Variants in NYAP2 observed in about 807,000 individuals in gnomAD.
The protein encoded by NYAP2 is neuronal tyrosine-phosphorylated phosphoinositide-3-kinase adaptor 2, also known as neuronal tyrosine-phosphorylated phosphoinositide-3-kinase adapter 2.
In NYAP2, 23 loss-of-function variants were observed where a neutral mutation model predicts 50.4. That is an observed-to-expected ratio of 0.46 (90% CI 0.33 to 0.65). NYAP2 has a LOEUF of 0.65. NYAP2 is among the 30% of genes least tolerant of loss of function. The probability of loss-of-function intolerance (pLI) is 0.02; values close to 1 mark genes in which losing one functional copy is unlikely to be tolerated. For synonymous variants in NYAP2, 394 were observed against 365.2 expected, an observed-to-expected ratio of 1.08 and a Z score of -0.90; for missense variants, 885 against 861.0, an observed-to-expected ratio of 1.03 and a Z score of -0.35.
intron 6 of NYAP2, among the ~76,000 whole-genome samples, chr2:225,635,825 C>A (rs1693404663): frequency 6.6e-6 from 1 of 152,192 alleles, no homozygotes; most frequent in Non-Finnish European, 1.5e-5. Context: ...TAATCCTAAT[C>A]TCTCACAATG....
chr2:225,695,819 A>G, the NYAP2 span, among the ~76,000 whole-genome samples: 83 of 152,056 alleles, frequency 5.5e-4, no homozygotes, highest in Middle Eastern at 3.4e-3. Context: ...CAAACACCTA[A>G]AATTTTATTT....
At chr2:225,461,464 C>G (rs1689830495) in intron 3 of NYAP2, among the ~76,000 whole-genome samples, 2 of 152,220 alleles carry the variant, frequency 1.3e-5, no homozygotes, top group Admixed American at 1.3e-4. Context: ...AAGTCTGTTC[C>G]TGGAATATGC....
At chr2:225,580,920 T>G (rs1692260188) in intron 4 of NYAP2, among the ~76,000 whole-genome samples, 2 of 152,206 alleles carry the variant, frequency 1.3e-5, no homozygotes, top group Admixed American at 1.3e-4. Flanking sequence ...TCTGCTACAT[T>G]GCATAATAAA....
intron 4 of NYAP2, among the ~76,000 whole-genome samples, chr2:225,551,487 A>G (rs1218355818): frequency 6.6e-6 from 1 of 152,240 alleles, no homozygotes; most frequent in Non-Finnish European, 1.5e-5. Flanking sequence ...ATGGAGCAGA[A>G]CTTCCCAGAT....
Position 225,582,061 on chromosome 2 carries a change from A to C in NYAP2, c.644A>C (p.His215Pro). 1 of 1,614,034 alleles carries C rather than the reference A, an allele frequency of 6.2e-7. No homozygotes were observed. ...TTCGATGAAACGTACATCAAAAAGC[A>C]TGGGCCCCGGAGGACGTCGCTGCCG... The change falls in exon 5 of 7, where the codon CAT becomes CCT. Residue 215 changes from histidine to proline, a missense_variant. Physicochemically the swap from His to Pro is moderately conservative, Grantham distance 77. Transcript: ENST00000636099. The surrounding 1 kb of genome is among the most constrained non-coding windows in gnomAD (Gnocchi z 7.0).
intron 3 of NYAP2, among the ~76,000 whole-genome samples, chr2:225,440,710 A>G (rs1469503044): frequency 6.6e-6 from 1 of 152,238 alleles, no homozygotes; most frequent in African/African-American, 2.4e-5. Context: ...GAGCAAAAAA[A>G]TAGGCTATTG....
intron 4 of NYAP2, among the ~76,000 whole-genome samples, chr2:225,543,803 G>T (rs778168910): frequency 6.6e-6 from 1 of 151,908 alleles, no homozygotes. Flanking sequence ...GATTAAGTCC[G>T]ATGTTTGTTG....
intron 3 of NYAP2, among the ~76,000 whole-genome samples, chr2:225,492,463 G>C (rs1426969650): frequency 6.6e-6 from 1 of 152,134 alleles, no homozygotes; most frequent in African/African-American, 2.4e-5. Context: ...ACAGGGGCAT[G>C]GTAATAAACT....
At chr2:225,539,490 C>T (rs1192498602) in intron 4 of NYAP2, among the ~76,000 whole-genome samples, 1 of 152,232 alleles carries the variant, frequency 6.6e-6, no homozygotes, top group African/African-American at 2.4e-5. Context: ...TGTTTCTCCA[C>T]ATCCTCTCCA....
intron 3 of NYAP2, among the ~76,000 whole-genome samples, chr2:225,432,800 T>C (rs1252923634): frequency 6.6e-6 from 1 of 152,208 alleles, no homozygotes; most frequent in South Asian, 2.1e-4. Context: ...GACTCCTTCA[T>C]ATTTTTCTCA....
the NYAP2 span, among the ~76,000 whole-genome samples, chr2:225,660,826 TC>T: frequency 6.6e-6 from 1 of 152,196 alleles, no homozygotes; most frequent in African/African-American, 2.4e-5. Context: ...GTTACTTTAA[TC>T]TTGCAATTTT....
At chr2:225,525,520 C>T (rs1212542769) in intron 4 of NYAP2, among the ~76,000 whole-genome samples, 2 of 152,160 alleles carry the variant, frequency 1.3e-5, no homozygotes, top group Non-Finnish European at 2.9e-5. Flanking sequence ...AACTCAGAAA[C>T]AGGAAGTCAT....
intron 4 of NYAP2, among the ~76,000 whole-genome samples, chr2:225,520,774 A>G (rs1691039039): frequency 6.6e-6 from 1 of 152,148 alleles, no homozygotes; most frequent in Non-Finnish European, 1.5e-5. Flanking sequence ...TTGGTTCCAT[A>G]TGAACTTTAA....
intron 6 of NYAP2, among the ~76,000 whole-genome samples, chr2:225,634,353 C>T (rs1331222158): frequency 6.6e-6 from 1 of 152,122 alleles, no homozygotes; most frequent in Admixed American, 6.5e-5. Flanking sequence ...GTAGACCCCT[C>T]ACGTGACAAC....
chr2:225,505,011 A>G (rs1046131201), intron 3 of NYAP2, among the ~76,000 whole-genome samples: 1 of 151,942 alleles, frequency 6.6e-6, no homozygotes, highest in African/African-American at 2.4e-5. Flanking sequence ...GCGTCTCGAA[A>G]AAAAAAAAAA....
chr2:225,575,412 C>G (rs915971772), intron 4 of NYAP2, among the ~76,000 whole-genome samples: 1 of 152,176 alleles, frequency 6.6e-6, no homozygotes, highest in Non-Finnish European at 1.5e-5. Context: ...TATATTTGCT[C>G]AAAATTCTGT....
intron 4 of NYAP2, among the ~76,000 whole-genome samples, chr2:225,530,178 G>T (rs1037575351): frequency 6.6e-6 from 1 of 152,026 alleles, no homozygotes; most frequent in Non-Finnish European, 1.5e-5. Flanking sequence ...AATAGTAATG[G>T]AAAGAAATCT....
At chr2:225,400,601 C>T (rs1211637102) in exon 2 of NYAP2, 1 of 152,076 alleles carries the variant, frequency 6.6e-6, no homozygotes, top group East Asian at 1.9e-4. Flanking sequence ...TTGGTGATTG[C>T]TTCTGGTCCT....
rs201335435 is a variant in NYAP2, at chr2:225,538,778, TTTTCTTTCTTTCTTTCTTTCTTTCTTTC to T, written c.523+25150_523+25177del. Among the ~76,000 whole-genome samples, 720 of 76,074 alleles carry T rather than the reference TTTTCTTTCTTTCTTTCTTTCTTTCTTTC, an allele frequency of 9.5e-3. 11 individuals carry two copies. Among genetic ancestry groups the T allele is most frequent in the Non-Finnish European group, 0.012 (469 of 40,044 alleles). 49.9% of individuals were successfully genotyped at this position (76,074 alleles called of 152,430 possible). On this transcript the variant is annotated intron_variant, in intron 4 of 6. Coordinates refer to ENST00000636099, the Ensembl canonical transcript of NYAP2. ...TTTTCTTTTCTTTTCTTTTCTTTTCTTTTCTTTCTTTCTTTCTTTCTTTCTTTCTTTCTTTCTTTCTTTCTTTCTTTCT... is the reference window on the plus strand; with the variant it reads ...TTTTCTTTTCTTTTCTTTTCTTTTCTTTTCTTTCTTTCTTTCTTTCTTTCT...
Sources: gnomAD v4.1 joint callset for allele counts (sites outside exome capture counted in the v4.1 genomes callset) on GRCh38, gnomAD v4.1.1 for gene constraint, Gnocchi (gnomAD v3.1) non-coding constraint, MANE v1.5 for transcripts, NCBI Gene and HGNC (gene_info 2026-07-23, HGNC 2026-07-21) for gene names.